Variants in LMCD1 observed in about 807,000 individuals in gnomAD.
The protein encoded by LMCD1 is LIM and cysteine rich domains 1.
Under a neutral mutation model 42.7 loss-of-function variants are expected in LMCD1, and 32 were observed. The observed-to-expected ratio is 0.75, with a 90% CI of 0.57 to 1.01. The LOEUF is 1.01. Ranked by LOEUF, LMCD1 falls within the 50% of genes least tolerant of loss-of-function variation. The pLI is 0.00. For synonymous variants in LMCD1, 178 were observed against 184.9 expected (o/e 0.96, Z 0.30); for missense variants, 458 against 483.1 (o/e 0.95, Z 0.49).
At chr3:8,536,196 C>T (rs1304913924) in intron 2 of LMCD1, among the ~76,000 whole-genome samples, 2 of 152,154 alleles carry the variant, frequency 1.3e-5, no homozygotes, top group Non-Finnish European at 2.9e-5. Flanking sequence ...TGCAGTTGGC[C>T]TTGACATTGC....
At chr3:8,530,912 T>A (rs1694399620) in intron 1 of LMCD1, among the ~76,000 whole-genome samples, 1 of 152,238 alleles carries the variant, frequency 6.6e-6, no homozygotes, top group East Asian at 1.9e-4. Flanking sequence ...AATATAAACC[T>A]GCTTCCCTCC....
chr3:8,507,545 C>T (rs1374231740), intron 1 of LMCD1, among the ~76,000 whole-genome samples: 8 of 152,106 alleles, frequency 5.3e-5, no homozygotes, highest in Non-Finnish European at 1.2e-4. Flanking sequence ...TTCTTGCCTC[C>T]CAACAGACTT....
At chr3:8,550,472 C>G (rs1056387273) in intron 4 of LMCD1, 1 of 985,412 alleles carries the variant, frequency 1.0e-6, no homozygotes, top group African/African-American at 1.8e-5. Context: ...CTCTTTCTCC[C>G]TTGTAGTCAC....
chr3:8,548,503 A>G (rs1311327137), intron 3 of LMCD1, 65 bp from the exon 4 acceptor site: 5 of 1,165,604 alleles, frequency 4.3e-6, no homozygotes, highest in Non-Finnish European at 6.0e-6. Flanking sequence ...AGATTCTGTC[A>G]TAGTTTCTTT....
chr3:8,509,101 T>C (rs934530036), intron 1 of LMCD1, among the ~76,000 whole-genome samples: 3 of 152,208 alleles, frequency 2.0e-5, no homozygotes, highest in African/African-American at 7.2e-5. Context: ...TTTAATGAGG[T>C]AAAGTGCATA....
chr3:8,516,926 G>A (rs1320757629), intron 1 of LMCD1, among the ~76,000 whole-genome samples: 4 of 152,146 alleles, frequency 2.6e-5, no homozygotes, highest in African/African-American at 7.2e-5. Flanking sequence ...ACTCTAGCAC[G>A]AGGCATAGTG....
intron 3 of LMCD1, among the ~76,000 whole-genome samples, chr3:8,538,819 A>G (rs962359898): frequency 5.3e-5 from 8 of 152,204 alleles, no homozygotes; most frequent in African/African-American, 1.9e-4. Flanking sequence ...GTAAACCGTA[A>G]CATCCCTGCA....
At chr3:8,520,715 C>T (rs1199967660) in intron 1 of LMCD1, among the ~76,000 whole-genome samples, 1 of 152,158 alleles carries the variant, frequency 6.6e-6, no homozygotes, top group African/African-American at 2.4e-5. Context: ...GTGTTGGAGC[C>T]TCTGGAAGCA....
chr3:8,501,921 C>A lies in LMCD1; in HGVS notation c.-18C>A. The stretch of plus-strand genomic sequence containing the variant: ...TCTGCCTGAGAAGCCAGGCGCTGTT[C>A]CCCCACCCCAGAAGAGGATGGCAAA... On this transcript the variant is annotated 5_prime_UTR_variant, in exon 1 of 6. Transcript: ENST00000157600. The A allele has an allele frequency of 6.3e-7, 1 of 1,584,604 alleles. No individual in the cohort carries two copies. Among genetic ancestry groups the A allele is most frequent in the East Asian group, 2.4e-5 (1 of 41,016 alleles).
rs539809880 is a variant in LMCD1 at position 8,568,810 on chromosome 3, C to T, written c.*1212C>T. The T allele has an allele frequency of 6.6e-6, 1 of 152,244 alleles. No homozygotes were observed. Among genetic ancestry groups the T allele is most frequent in the African/African-American group, 2.4e-5 (1 of 41,544 alleles). 9.4% of individuals were successfully genotyped at this position (152,244 alleles called of 1,614,324 possible). The stretch of plus-strand genomic sequence containing the variant: ...ACTGGGAGTATAAGGATGAAAAAGA[C>T]ACAAGTCCTAGGAGCTTACGGTCTG... On this transcript the variant is annotated 3_prime_UTR_variant, in exon 6 of 6. Coordinates refer to ENST00000157600, the MANE Select transcript of LMCD1 (RefSeq NM_014583.4).
chr3:8,566,319 C>A (rs145011354), intron 5 of LMCD1, among the ~76,000 whole-genome samples: 261 of 152,318 alleles, frequency 1.7e-3, no homozygotes, highest in African/African-American at 5.9e-3. Flanking sequence ...ATAGTATGTA[C>A]TATTTGCATG....
At chr3:8,546,518 C>T (rs1694738063) in intron 3 of LMCD1, among the ~76,000 whole-genome samples, 1 of 152,180 alleles carries the variant, frequency 6.6e-6, no homozygotes, top group Non-Finnish European at 1.5e-5. Flanking sequence ...ACAGTCACAC[C>T]GCCGGCATGC....
chr3:8,549,152 G>A lies in LMCD1; in HGVS notation c.723+249G>A, dbSNP rs1231398083. On this transcript the variant is annotated intron_variant, in intron 4 of 5. Coordinates refer to ENST00000157600, the MANE Select transcript of LMCD1 (RefSeq NM_014583.4). ...GGCAAAACCGAAACAGTTTAGAGAA[G>A]GGACATCTAAGCCTGCTTGGTGGTG... Among the ~76,000 whole-genome samples the A allele has an allele frequency of 2.0e-5, 3 of 152,170 alleles. No individual in the cohort carries two copies. In the East Asian group the frequency reaches 5.8e-4, roughly 29 times the overall value.
chr3:8,542,194 G>A (rs1410707898), intron 3 of LMCD1, among the ~76,000 whole-genome samples: 1 of 151,908 alleles, frequency 6.6e-6, no homozygotes, highest in African/African-American at 2.4e-5. Flanking sequence ...TAGAGATGGG[G>A]TTTTACCATG....
intron 2 of LMCD1, among the ~76,000 whole-genome samples, chr3:8,536,312 TC>T (rs1205215499): frequency 2.6e-5 from 4 of 152,184 alleles, no homozygotes; most frequent in Non-Finnish European, 2.9e-5. Flanking sequence ...GATTTTCCTC[TC>T]ACGCCGTGGA....
At chr3:8,513,255 A>T (rs150468830) in intron 1 of LMCD1, among the ~76,000 whole-genome samples, 1 of 152,284 alleles carries the variant, frequency 6.6e-6, no homozygotes, top group Non-Finnish European at 1.5e-5. Flanking sequence ...CAGAGCATCT[A>T]TATTTTGGGT....
intron 1 of LMCD1, among the ~76,000 whole-genome samples, chr3:8,510,194 G>A (rs1035818442): frequency 2.0e-5 from 3 of 152,142 alleles, no homozygotes; most frequent in Non-Finnish European, 2.9e-5. Context: ...TGACTGACCC[G>A]TGCAATCTGC....
At chr3:8,535,406 T>G (rs923934496) in intron 2 of LMCD1, among the ~76,000 whole-genome samples, 4 of 152,214 alleles carry the variant, frequency 2.6e-5, no homozygotes, top group African/African-American at 9.6e-5. Flanking sequence ...CTGGAACACA[T>G]CCTTGAGATT....
At chr3:8,567,079 TTGA>T (rs1483657093) in intron 5 of LMCD1, among the ~76,000 whole-genome samples, 1 of 152,222 alleles carries the variant, frequency 6.6e-6, no homozygotes, top group African/African-American at 2.4e-5. Context: ...ATTCTTGCTC[TTGA>T]TGATTGGCCA....
Sources: allele counts gnomAD v4.1 joint callset (sites outside exome capture counted in the v4.1 genomes callset), GRCh38; gene constraint gnomAD v4.1.1; transcripts MANE v1.5; gene names NCBI Gene and HGNC (gene_info 2026-07-23, HGNC 2026-07-21).